The following LHFPL6 variants were observed in gnomAD, a reference collection of about 807,000 sequenced individuals.
LHFPL6 encodes LHFPL tetraspan subfamily member 6 protein.
In LHFPL6, 9 loss-of-function variants were observed where a neutral mutation model predicts 20.6. That is an observed-to-expected ratio of 0.44 (90% CI 0.26 to 0.76). The LOEUF (loss-of-function observed/expected upper bound fraction) is 0.76. Among genes scored for constraint, LHFPL6 ranks in the 30% least tolerant of loss-of-function variants. LHFPL6 has a pLI of 0.20. For missense variants in LHFPL6, 218 were observed against 253.5 expected (o/e 0.86, Z 0.95); for synonymous variants, 105 against 98.7 (o/e 1.06, Z -0.38).
chr13:39,351,780 T>A (rs1869574951), intron 3 of LHFPL6, among the ~76,000 whole-genome samples: 1 of 152,228 alleles, frequency 6.6e-6, no homozygotes, highest in African/African-American at 2.4e-5. Flanking sequence ...CATATACTGC[T>A]GAGTGTTCAA....
intron 2 of LHFPL6, among the ~76,000 whole-genome samples, chr13:39,524,634 T>C (rs543654108): frequency 1.7e-4 from 26 of 152,210 alleles, no homozygotes; most frequent in African/African-American, 6.3e-4. Flanking sequence ...TGTCTTCTTT[T>C]AGTGAAAGCA....
At chr13:39,539,511 T>C (rs1870730059) in intron 2 of LHFPL6, among the ~76,000 whole-genome samples, 2 of 152,210 alleles carry the variant, frequency 1.3e-5, no homozygotes, top group Admixed American at 6.5e-5. Flanking sequence ...CCCAGCTCAT[T>C]CTTTCAAGTC....
chr13:39,370,052 A>T (rs962613771), intron 3 of LHFPL6, among the ~76,000 whole-genome samples: 1 of 152,158 alleles, frequency 6.6e-6, no homozygotes, highest in African/African-American at 2.4e-5. Flanking sequence ...AAAATGTGGC[A>T]TTCTCCCTAC....
At chr13:39,397,687 CAATGTTTGTATTTCCATATA>C (rs1870878586) in intron 2 of LHFPL6, among the ~76,000 whole-genome samples, 2 of 152,110 alleles carry the variant, frequency 1.3e-5, no homozygotes, top group African/African-American at 4.8e-5. Context: ...ATTCTGAAGC[CAATGTTTGTATTTCCATATA>C]AACTCTATTT....
intron 2 of LHFPL6, among the ~76,000 whole-genome samples, chr13:39,397,715 T>C (rs1489691504): frequency 6.6e-6 from 1 of 152,200 alleles, no homozygotes; most frequent in South Asian, 2.1e-4. Context: ...ATAAACTCTA[T>C]TTCTGGGAGC....
chr13:39,510,760 A>T (rs9603556), intron 2 of LHFPL6, among the ~76,000 whole-genome samples: 38,556 of 152,144 alleles, frequency 0.25, 5,599 homozygotes, highest in African/African-American at 0.4. Flanking sequence ...CTGAGTGAAA[A>T]AGTTATATAA....
At chr13:39,374,651 T>C (rs139287605) in intron 3 of LHFPL6, among the ~76,000 whole-genome samples, 2 of 152,316 alleles carry the variant, frequency 1.3e-5, no homozygotes, top group African/African-American at 4.8e-5. Flanking sequence ...TCTGACCCTT[T>C]ATAGAAGTGT....
At chr13:39,504,416 T>C (rs950984880) in intron 2 of LHFPL6, among the ~76,000 whole-genome samples, 20 of 152,360 alleles carry the variant, frequency 1.3e-4, no homozygotes, top group African/African-American at 4.6e-4. Context: ...GCTGTATTAG[T>C]TTACTAGAGC....
chr13:39,435,641 A>T (rs1482486228), intron 2 of LHFPL6, among the ~76,000 whole-genome samples: 3 of 152,338 alleles, frequency 2.0e-5, no homozygotes, highest in South Asian at 2.1e-4. Context: ...ATACATATGT[A>T]TATACTACAT....
intron 3 of LHFPL6, among the ~76,000 whole-genome samples, chr13:39,361,831 T>C (rs996227845): frequency 6.6e-6 from 1 of 152,202 alleles, no homozygotes; most frequent in African/African-American, 2.4e-5. Flanking sequence ...ATTTGGTAAT[T>C]GCATTGCCAG....
chr13:39,358,889 T>A (rs915976473), intron 3 of LHFPL6, among the ~76,000 whole-genome samples: 2 of 151,998 alleles, frequency 1.3e-5, no homozygotes, highest in African/African-American at 4.8e-5. Flanking sequence ...AGTGAAAAAA[T>A]AGACTGGGTG....
intron 2 of LHFPL6, among the ~76,000 whole-genome samples, chr13:39,519,236 C>CAAAAAAAAAAAA (rs1320382388): frequency 7.9e-5 from 2 of 25,340 alleles, no homozygotes; most frequent in African/African-American, 3.7e-4. Flanking sequence ...AACTCTGTCT[C>CAAAAAAAAAAAA]AAAAAATAAA....
Position 39,354,588 on chromosome 13 carries a change from A to G in LHFPL6, c.485-10534T>C, listed in dbSNP as rs188850400. Reference sequence around the variant, plus strand: ...ACAGAATTCAGAATATGGATGGGAAAGAAGTTCAACAAGATTCAGCAGAAA... The same window carrying G: ...ACAGAATTCAGAATATGGATGGGAAGGAAGTTCAACAAGATTCAGCAGAAA... On this transcript the variant is annotated intron_variant, in intron 3 of 3. Transcript: ENST00000379589. Among the ~76,000 whole-genome samples the G allele has an allele frequency of 1.2e-3, 181 of 152,302 alleles. 3 individuals are homozygous for G. Among genetic ancestry groups the G allele is most frequent in the Non-Finnish European group, 1.3e-3 (90 of 68,024 alleles).
At chr13:39,572,288 CTGTGTGTGTGTGTGTGTGTGTGTG>C (rs3222813) in intron 2 of LHFPL6, among the ~76,000 whole-genome samples, 3 of 143,406 alleles carry the variant, frequency 2.1e-5, no homozygotes, top group African/African-American at 5.1e-5. Flanking sequence ...TTTTTAAACT[CTGTGTGTGTGTGTGTGTGTGTGTG>C]TGTGTGTGTG....
At chr13:39,514,872 T>G (rs558251908) in intron 2 of LHFPL6, among the ~76,000 whole-genome samples, 18 of 152,318 alleles carry the variant, frequency 1.2e-4, no homozygotes, top group African/African-American at 4.3e-4. Flanking sequence ...AATAGCGAAG[T>G]GCTAAAGGCA....
chr13:39,488,672 A>G (rs1868807573), intron 2 of LHFPL6, among the ~76,000 whole-genome samples: 1 of 152,214 alleles, frequency 6.6e-6, no homozygotes. Context: ...TAATCATTAT[A>G]ATGTATTTTA....
At chr13:39,431,651 T>C (rs1245747631) in intron 2 of LHFPL6, among the ~76,000 whole-genome samples, 1 of 142,340 alleles carries the variant, frequency 7.0e-6, no homozygotes, top group East Asian at 2.4e-4. Context: ...GTCTTCTCCA[T>C]CTAAGTTGAT....
intron 2 of LHFPL6, among the ~76,000 whole-genome samples, chr13:39,446,044 C>A (rs1872279541): frequency 6.6e-6 from 1 of 152,012 alleles, no homozygotes; most frequent in African/African-American, 2.4e-5. Flanking sequence ...ATTTGTATGC[C>A]AAGTCTTCTT....
intron 2 of LHFPL6, among the ~76,000 whole-genome samples, chr13:39,504,509 C>T (rs1044870113): frequency 6.6e-6 from 1 of 152,174 alleles, no homozygotes; most frequent in Non-Finnish European, 1.5e-5. Flanking sequence ...AGTCCAAGAT[C>T]AAGATGCTGG....
Sources: allele counts gnomAD v4.1 joint callset (sites outside exome capture counted in the v4.1 genomes callset), GRCh38; gene constraint gnomAD v4.1.1; transcripts MANE v1.5; gene names NCBI Gene and HGNC (gene_info 2026-07-23, HGNC 2026-07-21).